Variants in PLXNB2 observed in about 807,000 individuals in gnomAD.
PLXNB2 encodes the protein plexin B2.
A neutral mutation model predicts 202.6 loss-of-function variants in PLXNB2; 85 were observed. That is an observed-to-expected ratio of 0.42 (90% CI 0.35 to 0.50). PLXNB2 has a LOEUF of 0.50. PLXNB2 is among the 20% of genes least tolerant of loss of function. The pLI, the probability that PLXNB2 is intolerant of heterozygous loss-of-function variation, is 0.02. For synonymous variants in PLXNB2, 1,239 were observed against 1,137.6 expected (o/e 1.09, Z -1.79); for missense variants, 2,063 against 2,586.2 (o/e 0.80, Z 4.39).
rs765016573 is a variant in PLXNB2 at position 50,282,854 on chromosome 22, A to G, written c.2844T>C (p.Cys948=). The G allele has an allele frequency of 1.2e-6, 2 of 1,611,622 alleles. No homozygotes were observed. Among genetic ancestry groups the G allele is most frequent in the South Asian group, 2.2e-5 (2 of 91,026 alleles). The change falls in exon 18 of 37, where the codon TGT becomes TGC. Residue 948 remains cysteine, a synonymous_variant. Transcript: ENST00000359337. The part of the protein sequence containing the change: ...KVTKFGAQLQ[C]VTGPQATRGQ... ...CCCGTGTCGCCTGGGGGCCAGTGAC[A>G]CACTGGAGCTGCGCCCCAAACTTCG...
rs1303454677 is a variant in PLXNB2 at position 50,277,633 on chromosome 22, G to A, written c.5154C>T (p.Thr1718=). 5 of 1,606,544 alleles carry A rather than the reference G, an allele frequency of 3.1e-6. No individual in the cohort carries two copies. The highest frequency in any genetic ancestry group is 1.7e-5 in the Admixed American group (1 of 59,502). Residue 1718 remains threonine (T), a synonymous_variant, in exon 33 of 37, where the codon ACC becomes ACT. Coordinates refer to ENST00000359337, the MANE Select transcript of PLXNB2 (RefSeq NM_012401.4). ...VDASLSVIAQ[T]FMDACTRTEH... ...CCGTGCGCGTGCAGGCATCCATGAAGGTCTGCGCGATGACTGACAGCGAGG... is the reference window on the plus strand; with the variant it reads ...CCGTGCGCGTGCAGGCATCCATGAAAGTCTGCGCGATGACTGACAGCGAGG...
intron 1 of PLXNB2, among the ~76,000 whole-genome samples, chr22:50,303,076 G>A (rs1400518833): frequency 2.1e-5 from 3 of 144,944 alleles, no homozygotes; most frequent in Non-Finnish European, 3.0e-5. Flanking sequence ...ACCCTACCAC[G>A]TCTGAGTCAC....
chr22:50,284,067 C>T lies in PLXNB2; in HGVS notation c.2263+65G>A. Reference sequence around the variant, plus strand: ...CTGCTCCCCACTGCGCCCACCTGTCCCCCCACCCACCGCCTTGTGCCCACC... The same window carrying T: ...CTGCTCCCCACTGCGCCCACCTGTCTCCCCACCCACCGCCTTGTGCCCACC... On this transcript the variant is annotated intron_variant, in intron 13 of 36. Coordinates refer to ENST00000359337, the MANE Select transcript of PLXNB2 (RefSeq NM_012401.4). The surrounding 1 kb of genome is among the most constrained non-coding windows in gnomAD (Gnocchi z 8.0). The T allele has an allele frequency of 1.3e-6, 2 of 1,529,274 alleles. No individual in the cohort carries two copies. The highest frequency in any genetic ancestry group is 2.3e-4 in the Middle Eastern group (1 of 4,418). The allele number at this position is 1,529,274 out of a possible 1,614,324, so 94.7% of individuals were successfully genotyped here. A position where few individuals can be genotyped will look rare whatever the true frequency, so the allele number is the denominator to read the frequency against.
chr22:50,279,794 G>C lies in PLXNB2; in HGVS notation c.4243-18C>G. 1 of 1,613,432 alleles carries C rather than the reference G, an allele frequency of 6.2e-7. No individual in the cohort carries two copies. The highest frequency in any genetic ancestry group is 8.5e-7 in the Non-Finnish European group (1 of 1,179,786). On this transcript the variant is annotated intron_variant, in intron 26 of 36. Transcript: ENST00000359337. ...GCACTGTCCTGGAGTAACACGGAGGGGAGGCTGGGAGGTCAGGGGACTTGG... is the reference window on the plus strand; with the variant it reads ...GCACTGTCCTGGAGTAACACGGAGGCGAGGCTGGGAGGTCAGGGGACTTGG...
At position 50,278,237 on chromosome 22, in the gene PLXNB2, C is replaced by T; in HGVS notation, c.4767G>A (p.Trp1589Ter). ...CCTCGTCGGTCGGCCGCACCAGGTG[C>T]CACACCCGGTTCTCCTCCTCCAGGA... ...HALLEEENRV[W>*]HLVRPTDEVD... The change falls in exon 31 of 37, where the codon TGG becomes TGA. Residue 1589 changes from tryptophan (W) to a stop codon, truncating the protein, a stop_gained. Coordinates refer to ENST00000359337, the MANE Select transcript of PLXNB2 (RefSeq NM_012401.4). LOFTEE classifies it high-confidence loss of function. 1 of 1,610,624 alleles carries T rather than the reference C, an allele frequency of 6.2e-7. No individual in the cohort carries two copies. The highest frequency in any genetic ancestry group is 8.5e-7 in the Non-Finnish European group (1 of 1,179,884).
intron 8 of PLXNB2, among the ~76,000 whole-genome samples, chr22:50,286,787 G>A (rs1314775353): frequency 1.3e-5 from 2 of 152,208 alleles, no homozygotes; most frequent in African/African-American, 4.8e-5. Flanking sequence ...ATGGCAGGAA[G>A]GGGTGAGGGG....
rs1487925858 is a variant in PLXNB2, at chr22:50,275,280, A to C, written c.*424T>G. 2.4e-6 allele frequency: 1 copy of C among 409,322 alleles called. No individual in the cohort carries two copies. Among genetic ancestry groups the C allele is most frequent in the African/African-American group, 2.1e-5 (1 of 47,616 alleles). The allele number at this position is 409,322 out of a possible 1,614,324, so 25.4% of individuals were successfully genotyped here. A position where few individuals can be genotyped will look rare whatever the true frequency, so the allele number is the denominator to read the frequency against. ...CTCCTCCTCCCATCTCGTGGTGGAC[A>C]GACAGACATAGGATCTGGGAACTTG... On this transcript the variant is annotated 3_prime_UTR_variant, in exon 37 of 37. Transcript: ENST00000359337.
chr22:50,300,696 A>C (rs1262781594), intron 1 of PLXNB2, among the ~76,000 whole-genome samples: 4 of 152,142 alleles, frequency 2.6e-5, no homozygotes, highest in South Asian at 2.1e-4. Context: ...GCCTGGTTTC[A>C]GGGTGGGGTT....
In PLXNB2 at chr22:50,282,860, G is replaced by T; in HGVS notation, c.2838C>A (p.Leu946=). Residue 946 remains leucine, a synonymous_variant, in exon 18 of 37, where the codon CTC becomes CTA. Coordinates refer to ENST00000359337, the MANE Select transcript of PLXNB2 (RefSeq NM_012401.4). Reference sequence around the variant, plus strand: ...TCGCCTGGGGGCCAGTGACACACTGGAGCTGCGCCCCAAACTTCGTCCTGG... The same window carrying T: ...TCGCCTGGGGGCCAGTGACACACTGTAGCTGCGCCCCAAACTTCGTCCTGG... ...PCKVTKFGAQ[L]QCVTGPQATR... is the part of the protein sequence containing the mutation. 2 of 1,610,830 alleles carry T rather than the reference G, an allele frequency of 1.2e-6. No homozygotes were observed. Among genetic ancestry groups the T allele is most frequent in the Non-Finnish European group, 1.7e-6 (2 of 1,178,258 alleles).
At position 50,286,191 on chromosome 22, in the gene PLXNB2, C is replaced by T; in HGVS notation, c.1859G>A (p.Ser620Asn). 2.5e-6 allele frequency: 4 copies of T among 1,613,088 alleles called. No individual in the cohort carries two copies. The highest frequency in any genetic ancestry group is 3.4e-6 in the Non-Finnish European group (4 of 1,179,770). ...YPFYDCRQAM[S>N]LEENLPCISC... Reference sequence around the variant, plus strand: ...CACTCACGGCAGGTTCTCCTCCAGGCTCATGGCCTGGCGGCAGTCGTAGAA... The same window carrying T: ...CACTCACGGCAGGTTCTCCTCCAGGTTCATGGCCTGGCGGCAGTCGTAGAA... The change falls in exon 9 of 37, where the codon AGC becomes AAC. Residue 620 changes from serine to asparagine, a missense_variant. Coordinates refer to ENST00000359337, the MANE Select transcript of PLXNB2 (RefSeq NM_012401.4).
chr22:50,306,468 G>A (rs1315029190), intron 1 of PLXNB2, among the ~76,000 whole-genome samples: 1 of 152,234 alleles, frequency 6.6e-6, no homozygotes, highest in East Asian at 1.9e-4. Flanking sequence ...GGTCATCTGG[G>A]CATGGGGCAG....
At chr22:50,277,489 A>C in intron 33 of PLXNB2, 102 bp downstream of exon 33, 3 of 1,218,026 alleles carry the variant, frequency 2.5e-6, no homozygotes, top group Non-Finnish European at 3.4e-6. Flanking sequence ...CTCCAGCCCA[A>C]GATATTCAAA....
At position 50,289,663 on chromosome 22, in the gene PLXNB2, C is replaced by T. The variant is rs1180279837; in HGVS notation, c.922G>A (p.Gly308Ser). 20 of 1,609,754 alleles carry T rather than the reference C, an allele frequency of 1.2e-5. No individual in the cohort carries two copies. The South Asian group carries it at 1.3e-4, about 11-fold the overall frequency. ...SRDSRSSGGP[G>S]AGLCLFPLDK... The stretch of plus-strand genomic sequence containing the variant: ...AGCGGGAACAGGCAGAGGCCCGCAC[C>T]GGGCCCCCCACTGCTCCGGCTGTCT... The change falls in exon 3 of 37, where the codon GGT becomes AGT. Residue 308 changes from glycine to serine, a missense_variant. Transcript: ENST00000359337. The surrounding 1 kb of genome is among the most constrained non-coding windows in gnomAD (Gnocchi z 8.0).
chr22:50,280,061 C>A lies in PLXNB2; in HGVS notation c.4186G>T (p.Val1396Leu), dbSNP rs768048613. The change falls in exon 26 of 37, where the codon GTG (valine) becomes TTG (leucine). Residue 1396 changes from valine to leucine, a missense_variant. Val to Leu is a conservative substitution (Grantham distance 32, BLOSUM62 1). This residue lies in a region of PLXNB2 where 760 missense variants were observed against 1,109.4 expected (regional missense o/e 0.69). Transcript: ENST00000359337. ...CAGTTGGACAGCATCCTCTCCACCA[C>A]AGTCTCAGACCTGGGGGTGCAGGGA... Reference protein sequence around the residue: ...PKLMLRRSETVVERMLSNWMS... With the variant: ...PKLMLRRSETLVERMLSNWMS... 1.9e-6 allele frequency: 3 copies of A among 1,608,292 alleles called. No homozygotes were observed. The South Asian group carries it at 3.3e-5, about 18-fold the overall frequency.
At chr22:50,287,049 CG>C in intron 8 of PLXNB2, 61 bp downstream of exon 8, 1 of 1,417,526 alleles carries the variant, frequency 7.1e-7, no homozygotes, top group Non-Finnish European at 9.3e-7. Flanking sequence ...GGCGAGAGCC[CG>C]TGTGCACAGG....
At position 50,281,192 on chromosome 22, in the gene PLXNB2, G is replaced by A. The variant is rs1384881976; in HGVS notation, c.3663-3C>T. 1.9e-6 allele frequency: 3 copies of A among 1,610,198 alleles called. No individual in the cohort carries two copies. The highest frequency in any genetic ancestry group is 2.2e-5 in the South Asian group (2 of 90,740). ...GTTCGGCCTGCTGGCTCTTCCTCCT[G>A]CAAGGCACAGCGGGCCTCCTAGGTT... On this transcript the variant is annotated splice_region_variant and splice_polypyrimidine_tract_variant and intron_variant, in intron 22 of 36. Coordinates refer to ENST00000359337, the MANE Select transcript of PLXNB2 (RefSeq NM_012401.4).
Position 50,289,255 on chromosome 22 carries a change from C to T in PLXNB2, c.1069-113G>A, listed in dbSNP as rs2147520037. ...TCCCTTCCCTCCGGCACACGTCCTA[C>T]ACACGTCCCCGAGAACAGAACCCAC... On this transcript the variant is annotated intron_variant, in intron 3 of 36. Coordinates refer to ENST00000359337, the MANE Select transcript of PLXNB2 (RefSeq NM_012401.4). The surrounding 1 kb of genome is among the most constrained non-coding windows in gnomAD (Gnocchi z 8.0). 3 of 1,049,324 alleles carry T rather than the reference C, an allele frequency of 2.9e-6. No homozygotes were observed. The highest frequency in any genetic ancestry group is 3.3e-5 in the South Asian group (2 of 59,908). 65.0% of individuals were successfully genotyped at this position (1,049,324 alleles called of 1,614,324 possible). A position where few individuals can be genotyped will look rare whatever the true frequency, so the allele number is the denominator to read the frequency against.
Position 50,286,481 on chromosome 22 carries a change from G to A in PLXNB2, c.1763-194C>T, listed in dbSNP as rs116107692. ...AGATCTCGGGTGGGGCTGCCAGGAC[G>A]CCCGTTCACGCTGGGCTGGACCTGC... On this transcript the variant is annotated intron_variant, in intron 8 of 36. Coordinates refer to ENST00000359337, the MANE Select transcript of PLXNB2 (RefSeq NM_012401.4). 5.1e-3 allele frequency among the ~76,000 whole-genome samples: 782 copies of A among 152,180 alleles called. 9 individuals carry two copies. Among genetic ancestry groups the A allele is most frequent in the African/African-American group, 0.018 (742 of 41,502 alleles).
chr22:50,275,693 G>A lies in PLXNB2; in HGVS notation c.*11C>T, dbSNP rs761084304. On this transcript the variant is annotated 3_prime_UTR_variant, in exon 37 of 37. Coordinates refer to ENST00000359337, the MANE Select transcript of PLXNB2 (RefSeq NM_012401.4). ...GTACCTATGTCCCAAGGCAGCACTG[G>A]AGATTGTAGGTCAGAGGTCAGTGAC... is the stretch of plus-strand genomic sequence containing the variant. The A allele has an allele frequency of 3.2e-6, 5 of 1,564,270 alleles. No individual in the cohort carries two copies. The highest frequency in any genetic ancestry group is 1.2e-5 in the South Asian group (1 of 86,298).
Sources: gnomAD v4.1 joint callset for allele counts (sites outside exome capture counted in the v4.1 genomes callset) on GRCh38, gnomAD v4.1.1 for gene constraint, gnomAD v4.1.1 regional missense constraint, Gnocchi (gnomAD v3.1) non-coding constraint, MANE v1.5 for transcripts, NCBI Gene and HGNC (gene_info 2026-07-23, HGNC 2026-07-21) for gene names.